GRIP1: variants seen among roughly 807,000 people sequenced by gnomAD.
The protein encoded by GRIP1 is glutamate receptor-interacting protein 1.
GRIP1 carries 45 observed loss-of-function variants against 129.9 expected under a neutral mutation model. That is an observed-to-expected ratio of 0.35 (90% confidence interval 0.27 to 0.44). GRIP1 has a LOEUF of 0.44. Ranked by LOEUF, GRIP1 falls within the 20% of genes least tolerant of loss-of-function variation. The pLI, the probability that GRIP1 is intolerant of heterozygous loss-of-function variation, is 1.00. For synonymous variants in GRIP1, 530 were observed against 520.8 expected (o/e 1.02, Z -0.24); for missense variants, 1,196 against 1,396.8 (o/e 0.86, Z 2.29).
At chr12:66,391,684 T>C (rs995197273) in intron 19 of GRIP1, among the ~76,000 whole-genome samples, 2 of 152,092 alleles carry the variant, frequency 1.3e-5, no homozygotes. Flanking sequence ...AGACCCCGTA[T>C]CTACAAAAAT....
intron 2 of GRIP1, among the ~76,000 whole-genome samples, chr12:66,590,307 T>C (rs1338659220): frequency 6.6e-6 from 1 of 152,226 alleles, no homozygotes; most frequent in African/African-American, 2.4e-5. Flanking sequence ...CACCACTTTA[T>C]TGTATTTCAG....
At chr12:66,941,288 C>A (rs1021232564) in intron 1 of GRIP1, among the ~76,000 whole-genome samples, 1 of 152,156 alleles carries the variant, frequency 6.6e-6, no homozygotes, top group African/African-American at 2.4e-5. Flanking sequence ...CATTTCCCCA[C>A]CTTAAAAATC....
intron 7 of GRIP1, among the ~76,000 whole-genome samples, chr12:66,508,476 A>G (rs2060604838): frequency 6.6e-6 from 1 of 152,186 alleles, no homozygotes; most frequent in Non-Finnish European, 1.5e-5. Flanking sequence ...CCAGGAAAGT[A>G]TTACAGAGAG....
Position 66,539,121 on chromosome 12 carries a change from T to C in GRIP1, c.375A>G (p.Gly125=). The C allele has an allele frequency of 6.2e-7, 1 of 1,614,100 alleles. No homozygotes were observed. Among genetic ancestry groups the C allele is most frequent in the Non-Finnish European group, 8.5e-7 (1 of 1,179,986 alleles). The part of the protein sequence containing the change: ...DEIISLLKNV[G]ERVVLEVEYE... ...ACTCTACTTCAAGAACCACTCTTTC[T>C]CCCACATTCTTCAGCAAGCTGATGA... Residue 125 remains glycine, a synonymous_variant, in exon 4 of 25, where the codon GGA becomes GGG. Coordinates refer to ENST00000359742, the MANE Select transcript of GRIP1 (RefSeq NM_001366722.1).
At chr12:66,609,653 A>C (rs192663956) in intron 1 of GRIP1, among the ~76,000 whole-genome samples, 247 of 152,324 alleles carry the variant, frequency 1.6e-3, no homozygotes, top group Middle Eastern at 6.8e-3. Flanking sequence ...ACTTTCTTCC[A>C]TAAATCTTGC....
intron 1 of GRIP1, among the ~76,000 whole-genome samples, chr12:66,752,304 T>A (rs1482328693): frequency 1.3e-5 from 2 of 152,188 alleles, no homozygotes; most frequent in African/African-American, 4.8e-5. Context: ...CCTCCAGCTG[T>A]GAGTTTCATT....
intron 1 of GRIP1, among the ~76,000 whole-genome samples, chr12:67,036,336 C>CT (rs71436032): frequency 6.3e-4 from 92 of 146,088 alleles, no homozygotes; most frequent in South Asian, 1.5e-3. Flanking sequence ...ATAAGGATGT[C>CT]TTTTTTTTTT....
In GRIP1 at chr12:66,500,051, T is replaced by A. The variant is rs10784547; in HGVS notation, c.724+15568A>T. ...AGAAACAGGAACAATTTTGAAAGGC[T>A]GTAATAGCAGAGTAAGAAAATTAAT... On this transcript the variant is annotated intron_variant, in intron 7 of 24. Coordinates refer to ENST00000359742, the MANE Select transcript of GRIP1 (RefSeq NM_001366722.1). 2.6e-5 allele frequency among the ~76,000 whole-genome samples: 4 copies of A among 152,096 alleles called. No individual in the cohort carries two copies. In the South Asian group the frequency reaches 8.3e-4, roughly 32 times the overall value.
chr12:66,792,975 T>C (rs1433175879), intron 1 of GRIP1, among the ~76,000 whole-genome samples: 1 of 152,186 alleles, frequency 6.6e-6, no homozygotes. Context: ...AAATTTGATA[T>C]GTAAGTATTT....
intron 1 of GRIP1, among the ~76,000 whole-genome samples, chr12:66,861,184 C>T (rs1289394509): frequency 2.0e-5 from 3 of 152,134 alleles, no homozygotes; most frequent in Admixed American, 6.6e-5. Context: ...ATATGATACA[C>T]ATTTATAAAT....
chr12:66,622,992 T>A (rs148981339), intron 1 of GRIP1, among the ~76,000 whole-genome samples: 2 of 152,258 alleles, frequency 1.3e-5, no homozygotes, highest in East Asian at 3.9e-4. Flanking sequence ...ATATTATGAA[T>A]TCCATGAGGA....
Position 66,933,604 on chromosome 12 carries a change from G to A in GRIP1, c.58+135446C>T, listed in dbSNP as rs375682875. 1.6e-3 allele frequency among the ~76,000 whole-genome samples: 248 copies of A among 152,074 alleles called. 1 individual carries two copies. Among genetic ancestry groups the A allele is most frequent in the African/African-American group, 5.3e-3 (219 of 41,478 alleles). On this transcript the variant is annotated intron_variant, in intron 1 of 1. Transcript: ENST00000643019. ...ACCAGGCATTTTTCTAGGCTCTAAG[G>A]ACACAATAATGAAATGAAATGAAAA...
rs1316481871 is a variant in GRIP1, at chr12:66,444,017, AGAAT to A, written c.1687+563_1687+566del. Reference sequence around the variant, plus strand: ...TTTCTCTAGTATACAGAAGAAAGAAAGAATGAAGGCCACATGATTTATTTTTATC... The same window carrying A: ...TTTCTCTAGTATACAGAAGAAAGAAAGAAGGCCACATGATTTATTTTTATC... On this transcript the variant is annotated intron_variant, in intron 13 of 24. Coordinates refer to ENST00000359742, the MANE Select transcript of GRIP1 (RefSeq NM_001366722.1). 3.9e-5 allele frequency among the ~76,000 whole-genome samples: 6 copies of A among 152,362 alleles called. No homozygotes were observed. In the East Asian group the frequency reaches 1.2e-3, roughly 29 times the overall value.
intron 1 of GRIP1, among the ~76,000 whole-genome samples, chr12:66,669,982 T>C (rs2033997792): frequency 6.6e-6 from 1 of 152,246 alleles, no homozygotes; most frequent in Non-Finnish European, 1.5e-5. Flanking sequence ...AAAAATTCTT[T>C]AACATTTAAC....
intron 1 of GRIP1, among the ~76,000 whole-genome samples, chr12:67,063,624 T>C (rs2043572204): frequency 6.6e-6 from 1 of 152,214 alleles, no homozygotes; most frequent in South Asian, 2.1e-4. Flanking sequence ...GTATTTTGTA[T>C]TACTAACTAC....
chr12:66,601,106 G>T (rs539855746), intron 1 of GRIP1, among the ~76,000 whole-genome samples: 6 of 152,192 alleles, frequency 3.9e-5, no homozygotes, highest in Non-Finnish European at 8.8e-5. Context: ...GAAAGCATTA[G>T]TCAAGCATAC....
chr12:66,885,284 GC>G (rs1566064748), intron 1 of GRIP1, among the ~76,000 whole-genome samples: 1 of 152,104 alleles, frequency 6.6e-6, no homozygotes, highest in Non-Finnish European at 1.5e-5. Context: ...AGGACAAGCT[GC>G]CCCCGGTGCG....
At chr12:66,977,854 C>T (rs2137606497) in intron 1 of GRIP1, among the ~76,000 whole-genome samples, 1 of 110,408 alleles carries the variant, frequency 9.1e-6, no homozygotes, top group African/African-American at 3.5e-5. Flanking sequence ...GCTCTTTCAT[C>T]CAGTTTGGAG....
intron 1 of GRIP1, among the ~76,000 whole-genome samples, chr12:66,880,798 A>G (rs1268746621): frequency 6.6e-6 from 1 of 152,162 alleles, no homozygotes; most frequent in Non-Finnish European, 1.5e-5. Context: ...ACCGACCTGT[A>G]CATTTATATA....
Sources: allele counts gnomAD v4.1 joint callset (sites outside exome capture counted in the v4.1 genomes callset), GRCh38; gene constraint gnomAD v4.1.1; transcripts MANE v1.5; gene names NCBI Gene and HGNC (gene_info 2026-07-23, HGNC 2026-07-21).